Variants in ZNF93 observed in about 807,000 individuals in gnomAD.
The protein encoded by ZNF93 is zinc finger protein 93, also known as zinc finger protein 505.
ZNF93 carries 29 observed loss-of-function variants against 45.0 expected under a neutral mutation model. The ratio of observed to expected loss-of-function variants is 0.64; its 90% CI spans 0.48 to 0.88. ZNF93 has a LOEUF of 0.88. Ranked by LOEUF, ZNF93 falls within the 40% of genes least tolerant of loss-of-function variation. ZNF93 has a pLI of 0.00. For synonymous variants in ZNF93, 223 were observed against 244.6 expected (o/e 0.91, Z 0.82); for missense variants, 578 against 724.0 (o/e 0.80, Z 2.31).
chr19:19,903,163 A>G (rs1209202166), intron 1 of ZNF93, among the ~76,000 whole-genome samples: 1 of 152,240 alleles, frequency 6.6e-6, no homozygotes, highest in Non-Finnish European at 1.5e-5. Context: ...AGGAGGAAGT[A>G]CCAACTAACT....
intron 3 of ZNF93, among the ~76,000 whole-genome samples, chr19:19,922,583 T>A (rs1310105047): frequency 6.6e-6 from 1 of 152,210 alleles, no homozygotes; most frequent in South Asian, 2.1e-4. Context: ...ACTAATCAGA[T>A]GTAGATTTGG....
intron 3 of ZNF93, 70 bp from the exon 4 acceptor site, chr19:19,933,111 AG>A: frequency 8.6e-7 from 1 of 1,168,168 alleles, no homozygotes; most frequent in Non-Finnish European, 1.2e-6. Flanking sequence ...ATAATTTTAT[AG>A]GTTAGATTTG....
chr19:19,914,542 T>G (rs1419804801), intron 1 of ZNF93, among the ~76,000 whole-genome samples: 1 of 152,264 alleles, frequency 6.6e-6, no homozygotes, highest in Non-Finnish European at 1.5e-5. Context: ...TAATGGTTAA[T>G]GATTCACTTG....
At chr19:19,907,547 TTC>T (rs1324229577) in intron 1 of ZNF93, among the ~76,000 whole-genome samples, 2 of 125,222 alleles carry the variant, frequency 1.6e-5, no homozygotes, top group South Asian at 2.3e-4. Context: ...GCATTTTCTT[TTC>T]TTTTTTTTTT....
At chr19:19,926,488 T>G (rs2063356508) in intron 3 of ZNF93, among the ~76,000 whole-genome samples, 1 of 130,810 alleles carries the variant, frequency 7.6e-6, no homozygotes, top group African/African-American at 3.0e-5. Context: ...CAGTGTAGGG[T>G]TTTTTTTTTT....
At chr19:19,919,660 A>G (rs1338659308) in intron 3 of ZNF93, among the ~76,000 whole-genome samples, 3 of 152,088 alleles carry the variant, frequency 2.0e-5, no homozygotes, top group Non-Finnish European at 4.4e-5. Flanking sequence ...CCTTGAAAAG[A>G]TCCTTCACAT....
intron 3 of ZNF93, among the ~76,000 whole-genome samples, chr19:19,918,923 GTT>G (rs543275965): frequency 6.7e-6 from 1 of 148,394 alleles, no homozygotes; most frequent in East Asian, 2.0e-4. Context: ...TCTGATGGTA[GTT>G]TTTTTTTTGC....
Position 19,900,952 on chromosome 19 carries a change from C to CG in ZNF93, c.-135dup. ...CTGGTTTGGCGGGTCCTTTGTCTCT[C>CG]GGTGCAGCCGGAGCTCCAGGTCTCC... On this transcript the variant is annotated 5_prime_UTR_variant, in exon 1 of 4. Coordinates refer to ENST00000343769, the MANE Select transcript of ZNF93 (RefSeq NM_031218.4). 1.4e-6 allele frequency: 2 copies of CG among 1,443,406 alleles called. No individual in the cohort carries two copies. Among genetic ancestry groups the CG allele is most frequent in the Non-Finnish European group, 9.6e-7 (1 of 1,043,256 alleles). 89.4% of individuals were successfully genotyped at this position (1,443,406 alleles called of 1,614,324 possible). A position where few individuals can be genotyped will look rare whatever the true frequency, so the allele number is the denominator to read the frequency against.
chr19:19,924,149 A>T (rs2122186139), intron 3 of ZNF93, among the ~76,000 whole-genome samples: 1 of 151,486 alleles, frequency 6.6e-6, no homozygotes, highest in African/African-American at 2.4e-5. Flanking sequence ...GTGCAATGGC[A>T]TGATTTCGGC....
chr19:19,933,496 G>A lies in ZNF93; in HGVS notation c.541G>A (p.Ala181Thr). 1.2e-6 allele frequency: 2 copies of A among 1,607,226 alleles called. No homozygotes were observed. Among genetic ancestry groups the A allele is most frequent in the Non-Finnish European group, 1.7e-6 (2 of 1,177,994 alleles). The change falls in exon 4 of 4, where the codon GCT (alanine) becomes ACT (threonine). Residue 181 changes from alanine to threonine, a missense_variant. By Grantham distance (58) the Ala-to-Thr change is moderately conservative. Around this residue, in one of 3 missense-constraint regions of ZNF93, gnomAD observed 446 missense variants for 547.6 expected, o/e 0.81. Coordinates refer to ENST00000343769, the MANE Select transcript of ZNF93 (RefSeq NM_031218.4). ...TTTCAAATGCATAGAATGTGGCAAA[G>A]CTTTTAACCAGTTCTCAACCCTTAT... Reference protein sequence around the residue: ...KPFKCIECGKAFNQFSTLITH... With the variant: ...KPFKCIECGKTFNQFSTLITH...
chr19:19,913,488 A>C (rs940557460), intron 1 of ZNF93, among the ~76,000 whole-genome samples: 16 of 151,838 alleles, frequency 1.1e-4, no homozygotes, highest in African/African-American at 3.9e-4. Context: ...GAGGGTGGTC[A>C]CAGGGCCTAT....
rs759589710 is a variant in ZNF93, at chr19:19,933,774, T to C, written c.819T>C (p.Thr273=). The C allele has an allele frequency of 6.2e-7, 1 of 1,611,994 alleles. No individual in the cohort carries two copies. The highest frequency in any genetic ancestry group is 1.7e-5 in the Admixed American group (1 of 59,910). ...CTTTTAACCAATCCTCGACACTTAC[T>C]AAACATAAGAAAATTCATACTGGAG... is the stretch of plus-strand genomic sequence containing the variant. The part of the protein sequence containing the change: ...GKAFNQSSTL[T]KHKKIHTGEK... The change falls in exon 4 of 4, where the codon ACT becomes ACC. Residue 273 remains threonine (T), a synonymous_variant. Transcript: ENST00000343769.
intron 1 of ZNF93, among the ~76,000 whole-genome samples, chr19:19,904,564 G>A (rs968387626): frequency 2.0e-5 from 3 of 152,150 alleles, no homozygotes; most frequent in Non-Finnish European, 4.4e-5. Context: ...CTGAATCAGG[G>A]TCTGTGCTGT....
intron 1 of ZNF93, among the ~76,000 whole-genome samples, chr19:19,904,281 C>T (rs2063286103): frequency 1.3e-5 from 2 of 152,004 alleles, no homozygotes; most frequent in South Asian, 4.2e-4. Flanking sequence ...CAAATATTTT[C>T]CAGGATTATC....
At chr19:19,901,203 C>T in intron 1 of ZNF93, 112 bp downstream of exon 1, 1 of 1,550,506 alleles carries the variant, frequency 6.4e-7, no homozygotes, top group East Asian at 2.3e-5. Context: ...CAATCTGCGC[C>T]GGAGTTCTTG....
At chr19:19,921,963 T>C (rs1386334782) in intron 3 of ZNF93, among the ~76,000 whole-genome samples, 1 of 152,240 alleles carries the variant, frequency 6.6e-6, no homozygotes, top group East Asian at 1.9e-4. Context: ...AATATTGTTA[T>C]ATGTGAGTTT....
At position 19,904,514 on chromosome 19, in the gene ZNF93, T is replaced by G. The variant is rs546914450; in HGVS notation, c.3+3423T>G. Among the ~76,000 whole-genome samples the G allele has an allele frequency of 2.8e-4, 42 of 152,274 alleles. 1 individual carries two copies. Among genetic ancestry groups the G allele is most frequent in the African/African-American group, 8.2e-4 (34 of 41,566 alleles). ...CATAGATGGGCCCATGGGGTTTGTGTCTGGCATCTGCAGTGAGGACAATGT... is the reference window on the plus strand; with the variant it reads ...CATAGATGGGCCCATGGGGTTTGTGGCTGGCATCTGCAGTGAGGACAATGT... On this transcript the variant is annotated intron_variant, in intron 1 of 3. Coordinates refer to ENST00000343769, the MANE Select transcript of ZNF93 (RefSeq NM_031218.4).
At chr19:19,923,972 G>T (rs773760784) in intron 3 of ZNF93, among the ~76,000 whole-genome samples, 2 of 152,172 alleles carry the variant, frequency 1.3e-5, no homozygotes, top group Admixed American at 6.5e-5. Flanking sequence ...CGGTACCTCA[G>T]TTGGAGATGC....
intron 1 of ZNF93, chr19:19,907,769 C>T (rs1381911619): frequency 6.6e-6 from 1 of 152,052 alleles, no homozygotes; most frequent in Non-Finnish European, 1.5e-5. Context: ...GAACTCCTGA[C>T]CTCAGGTGAT....
Sources: gnomAD v4.1 joint callset for allele counts (sites outside exome capture counted in the v4.1 genomes callset) on GRCh38, gnomAD v4.1.1 for gene constraint, gnomAD v4.1.1 regional missense constraint, MANE v1.5 for transcripts, NCBI Gene and HGNC (gene_info 2026-07-23, HGNC 2026-07-21) for gene names.